CDH18: variants seen among roughly 807,000 people sequenced by gnomAD.
The protein encoded by CDH18 is cadherin-18.
Under a neutral mutation model 67.9 loss-of-function variants are expected in CDH18, and 31 were observed. The observed-to-expected ratio is 0.46, with a 90% CI of 0.34 to 0.62. The LOEUF is 0.62. CDH18 is among the 20% of genes least tolerant of loss of function. The pLI, the probability that CDH18 is intolerant of heterozygous loss-of-function variation, is 0.01. For missense variants in CDH18, 890 were observed against 975.5 expected, an observed-to-expected ratio of 0.91 and a Z score of 1.17; for synonymous variants, 362 against 347.2, an observed-to-expected ratio of 1.04 and a Z score of -0.48.
chr5:19,554,147 G>C (rs1737960880), intron 8 of CDH18, among the ~76,000 whole-genome samples: 1 of 152,094 alleles, frequency 6.6e-6, no homozygotes, highest in Non-Finnish European at 1.5e-5. Context: ...CAGCACACAT[G>C]GCACATAGAT....
intron 3 of CDH18, among the ~76,000 whole-genome samples, chr5:19,803,372 G>A (rs190923069): frequency 3.7e-4 from 57 of 152,278 alleles, no homozygotes; most frequent in African/African-American, 1.3e-3. Context: ...AACAAGTACT[G>A]TCTGATATTG....
intron 8 of CDH18, among the ~76,000 whole-genome samples, chr5:19,569,703 T>C (rs1741038720): frequency 6.6e-6 from 1 of 152,178 alleles, no homozygotes; most frequent in Non-Finnish European, 1.5e-5. Context: ...CTAGGTTCTA[T>C]TTCTTCCACC....
rs5866412 is a variant in CDH18 at position 20,053,026 on chromosome 5, A to ATT, written c.-517-61014_-517-61013dup. Among the ~76,000 whole-genome samples the ATT allele has an allele frequency of 6.2e-4, 92 of 149,026 alleles. 1 individual carries two copies. The highest frequency in any genetic ancestry group is 1.7e-3 in the South Asian group (8 of 4,750). ...CTACAATTTTCTTTTTCCTCAGTTT[A>ATT]TTTTTTTTTTAACATTTAAAAAGAG... is the stretch of plus-strand genomic sequence containing the variant. On this transcript the variant is annotated intron_variant, in intron 2 of 14. Coordinates refer to the CDH18 transcript ENST00000507958.
intron 2 of CDH18, among the ~76,000 whole-genome samples, chr5:20,035,608 T>A (rs1260795136): frequency 6.6e-6 from 1 of 151,924 alleles, no homozygotes; most frequent in Non-Finnish European, 1.5e-5. Flanking sequence ...TCCCTCACTA[T>A]CATGAGAACA....
intron 2 of CDH18, among the ~76,000 whole-genome samples, chr5:20,097,050 T>C (rs1561787886): frequency 1.3e-5 from 2 of 152,192 alleles, no homozygotes; most frequent in East Asian, 3.9e-4. Flanking sequence ...AATATTTATA[T>C]ATGTCTACCA....
At chr5:19,996,739 T>C (rs1025350115) in intron 2 of CDH18, among the ~76,000 whole-genome samples, 1 of 152,024 alleles carries the variant, frequency 6.6e-6, no homozygotes, top group South Asian at 2.1e-4. Flanking sequence ...TTCTCTATCA[T>C]GTTATTGCTA....
chr5:19,949,449 C>T (rs1198297909), intron 2 of CDH18, among the ~76,000 whole-genome samples: 1 of 152,082 alleles, frequency 6.6e-6, no homozygotes, highest in Non-Finnish European at 1.5e-5. Context: ...TGTGCCCTCA[C>T]AGCTCAGTCT....
At chr5:20,497,791 A>G (rs1244456086) in intron 1 of CDH18, among the ~76,000 whole-genome samples, 2 of 152,164 alleles carry the variant, frequency 1.3e-5, no homozygotes, top group Non-Finnish European at 2.9e-5. Flanking sequence ...TTAAATATAA[A>G]AAAAGCATTT....
chr5:20,528,283 A>T (rs1207299997), intron 1 of CDH18, among the ~76,000 whole-genome samples: 10 of 152,090 alleles, frequency 6.6e-5, no homozygotes, highest in African/African-American at 2.4e-4. Flanking sequence ...AAAGAGACTT[A>T]GACCACCACA....
At chr5:20,391,023 T>C (rs1250767947) in intron 1 of CDH18, among the ~76,000 whole-genome samples, 1 of 151,996 alleles carries the variant, frequency 6.6e-6, no homozygotes, top group Non-Finnish European at 1.5e-5. Flanking sequence ...TTTGGAGATA[T>C]ACCTAATGCT....
chr5:20,532,641 A>G (rs1361574525), intron 1 of CDH18, among the ~76,000 whole-genome samples: 1 of 152,056 alleles, frequency 6.6e-6, no homozygotes, highest in Non-Finnish European at 1.5e-5. Context: ...CTCTTATCCC[A>G]GAATGTTTTA....
At chr5:19,582,120 A>T (rs922884507) in intron 7 of CDH18, among the ~76,000 whole-genome samples, 3 of 152,144 alleles carry the variant, frequency 2.0e-5, no homozygotes, top group East Asian at 1.9e-4. Context: ...TATACATTAT[A>T]TTATACAGAA....
intron 3 of CDH18, among the ~76,000 whole-genome samples, chr5:19,800,390 A>G (rs1777331857): frequency 6.6e-6 from 1 of 152,212 alleles, no homozygotes; most frequent in Non-Finnish European, 1.5e-5. Flanking sequence ...TAATTTTTTT[A>G]AGAACAATAT....
At chr5:19,846,491 T>C (rs977902889) in intron 2 of CDH18, among the ~76,000 whole-genome samples, 11 of 152,164 alleles carry the variant, frequency 7.2e-5, no homozygotes, top group African/African-American at 2.7e-4. Context: ...TCAAGCTTAA[T>C]ACAGTTGACC....
intron 3 of CDH18, among the ~76,000 whole-genome samples, chr5:19,752,787 T>A (rs538720139): frequency 1.8e-4 from 28 of 152,296 alleles, no homozygotes; most frequent in African/African-American, 6.7e-4. Context: ...TTCACCTTCC[T>A]GCCACCTCCA....
intron 2 of CDH18, among the ~76,000 whole-genome samples, chr5:19,944,431 C>T (rs983882184): frequency 6.6e-6 from 1 of 152,070 alleles, no homozygotes; most frequent in East Asian, 1.9e-4. Context: ...ATTCACCATT[C>T]CTAAAACTAA....
chr5:19,932,809 G>A (rs1793847576), intron 2 of CDH18, among the ~76,000 whole-genome samples: 1 of 151,108 alleles, frequency 6.6e-6, no homozygotes, highest in Admixed American at 6.6e-5. Flanking sequence ...TGTCTAATTA[G>A]CTCTTTACAT....
At chr5:20,457,569 CT>C (rs1442802323) in intron 1 of CDH18, among the ~76,000 whole-genome samples, 1 of 152,082 alleles carries the variant, frequency 6.6e-6, no homozygotes, top group Non-Finnish European at 1.5e-5. Context: ...CGATGCTCTT[CT>C]TTTTCCGAGA....
At chr5:20,359,811 G>A (rs1298278410) in intron 1 of CDH18, among the ~76,000 whole-genome samples, 1 of 151,852 alleles carries the variant, frequency 6.6e-6, no homozygotes, top group Non-Finnish European at 1.5e-5. Flanking sequence ...ACACTTATTT[G>A]TCAATAGTCA....
Sources: allele counts gnomAD v4.1 joint callset (sites outside exome capture counted in the v4.1 genomes callset), GRCh38; gene constraint gnomAD v4.1.1; transcripts MANE v1.5; gene names NCBI Gene and HGNC (gene_info 2026-07-23, HGNC 2026-07-21).